TRIM23: variants seen among roughly 807,000 people sequenced by gnomAD.
TRIM23 encodes the protein tripartite motif containing 23, also known as E3 ubiquitin-protein ligase TRIM23.
TRIM23 carries 27 observed loss-of-function variants against 71.0 expected under a neutral mutation model. The observed-to-expected ratio is 0.38, with a 90% CI of 0.28 to 0.52. The LOEUF is 0.52. TRIM23 is among the 20% of genes least tolerant of loss of function. The pLI is 0.84. For missense variants in TRIM23, 482 were observed against 692.3 expected (o/e 0.70, Z 3.41); for synonymous variants, 234 against 238.0 (o/e 0.98, Z 0.16).
rs777487351 is a variant in TRIM23 at position 65,594,629 on chromosome 5, T to C, written c.1437A>G (p.Val479=). The change falls in exon 10 of 11, where the codon GTA becomes GTG. Residue 479 remains valine, a synonymous_variant. Transcript: ENST00000231524. ...TAATTCTGTCTCTATGACTGCTATC[T>C]ACAACAAACACAACAGCTACCCAAA... ...YLNTQAVVFV[V]DSSHRDRISE... 6.3e-7 allele frequency: 1 copy of C among 1,583,186 alleles called. No homozygotes were observed. Among genetic ancestry groups the C allele is most frequent in the South Asian group, 1.2e-5 (1 of 85,078 alleles).
rs1486148761 is a variant in TRIM23, at chr5:65,591,746, TCAAA to T, written c.*19_*22del. The stretch of plus-strand genomic sequence containing the variant: ...CAAAGTTACTTTTAACCACAAAACT[TCAAA>T]CAACTGCTGCCTTTAAAATCAAGCA... On this transcript the variant is annotated 3_prime_UTR_variant, in exon 11 of 11. Transcript: ENST00000231524. The T allele has an allele frequency of 6.3e-7, 1 of 1,586,364 alleles. No homozygotes were observed. The highest frequency in any genetic ancestry group is 8.6e-7 in the Non-Finnish European group (1 of 1,164,234).
At chr5:65,601,283 T>C (rs931501975) in intron 7 of TRIM23, among the ~76,000 whole-genome samples, 10 of 152,158 alleles carry the variant, frequency 6.6e-5, no homozygotes, top group Non-Finnish European at 1.5e-4. Flanking sequence ...AAATGTGGTA[T>C]ACACATTGTA....
intron 6 of TRIM23, among the ~76,000 whole-genome samples, chr5:65,606,029 C>T (rs1044963749): frequency 2.6e-5 from 4 of 152,218 alleles, no homozygotes; most frequent in Non-Finnish European, 5.9e-5. Flanking sequence ...GAATTCCTTC[C>T]TTCCATTTTT....
rs542660468 is a variant in TRIM23 at position 65,600,790 on chromosome 5, C to T, written c.1180-3610G>A. Among the ~76,000 whole-genome samples the T allele has an allele frequency of 2.6e-5, 4 of 152,176 alleles. No individual in the cohort carries two copies. In the South Asian group the frequency reaches 8.3e-4, roughly 32 times the overall value. On this transcript the variant is annotated intron_variant, in intron 7 of 10. Coordinates refer to ENST00000231524, the MANE Select transcript of TRIM23 (RefSeq NM_001656.4). ...ATCCAGAATATACAAAGAACTCCTA[C>T]AATTCAACAACAAAAATAGTCAACC...
Position 65,591,645 on chromosome 5 carries a change from T to TTATATATATATATATATATATA in TRIM23, c.*123_*124insTATATATATATATATATATATA, listed in dbSNP as rs10644434. On this transcript the variant is annotated 3_prime_UTR_variant, in exon 11 of 11. Coordinates refer to ENST00000231524, the MANE Select transcript of TRIM23 (RefSeq NM_001656.4). Reference sequence around the variant, plus strand: ...ACTGAATTCCCAATCCAAGATTCCTTTATATATATATATATATATATGCAT... The same window carrying TTATATATATATATATATATATA: ...ACTGAATTCCCAATCCAAGATTCCTTTATATATATATATATATATATATATATATATATATATATATATGCAT... 1.1e-3 allele frequency: 775 copies of TTATATATATATATATATATATA among 716,964 alleles called. 10 individuals are homozygous for TTATATATATATATATATATATA. In the African/African-American group the frequency reaches 0.013, roughly 12 times the overall value. The allele number at this position is 716,964 out of a possible 1,614,324, so 44.4% of individuals were successfully genotyped here. A position where few individuals can be genotyped will look rare whatever the true frequency, so the allele number is the denominator to read the frequency against.
intron 7 of TRIM23, among the ~76,000 whole-genome samples, chr5:65,602,607 T>TA (rs1372441209): frequency 3.3e-5 from 5 of 152,110 alleles, no homozygotes; most frequent in African/African-American, 4.8e-5. Flanking sequence ...TTTACTGTAT[T>TA]AGTCCATTTT....
At chr5:65,619,856 T>C (rs1754880351) in intron 1 of TRIM23, among the ~76,000 whole-genome samples, 1 of 151,748 alleles carries the variant, frequency 6.6e-6, no homozygotes, top group East Asian at 1.9e-4. Flanking sequence ...CCGAGGCGAG[T>C]GGATCATCTG....
chr5:65,605,572 T>C (rs972275630), intron 6 of TRIM23, among the ~76,000 whole-genome samples: 3 of 152,162 alleles, frequency 2.0e-5, no homozygotes, highest in Non-Finnish European at 4.4e-5. Context: ...TATGCATACA[T>C]TTCTATATCT....
chr5:65,611,741 A>G lies in TRIM23; in HGVS notation c.507T>C (p.Ala169=), dbSNP rs772915674. 6.2e-7 allele frequency: 1 copy of G among 1,614,222 alleles called. No individual in the cohort carries two copies. Among genetic ancestry groups the G allele is most frequent in the Non-Finnish European group, 8.5e-7 (1 of 1,180,038 alleles). The change falls in exon 4 of 11, where the codon GCT becomes GCC. Residue 169 remains alanine, a synonymous_variant. Transcript: ENST00000231524. ...ACATAGTTTTCTCATGAGGTTTATC[A>G]GCTAGAGGAACTCGCCTGTGCTTTG... ...TLAKHRRVPL[A]DKPHEKTMCS...
chr5:65,610,668 A>G (rs1361092416), intron 5 of TRIM23, among the ~76,000 whole-genome samples, 193 bp downstream of exon 5: 7 of 152,192 alleles, frequency 4.6e-5, no homozygotes, highest in Non-Finnish European at 7.3e-5. Flanking sequence ...TCTCCTCCAT[A>G]AAATAGTTAC....
At chr5:65,609,114 C>A (rs1754582386) in intron 6 of TRIM23, 129 bp downstream of exon 6, 6 of 904,782 alleles carry the variant, frequency 6.6e-6, no homozygotes, top group East Asian at 5.3e-5. Context: ...AGGTTGCAGA[C>A]CATTTCCTAA....
intron 1 of TRIM23, among the ~76,000 whole-genome samples, chr5:65,619,517 T>C (rs1230230340): frequency 6.6e-6 from 1 of 152,112 alleles, no homozygotes; most frequent in Non-Finnish European, 1.5e-5. Context: ...AAGGCAGAAA[T>C]CAGACTAAAT....
intron 1 of TRIM23, among the ~76,000 whole-genome samples, chr5:65,621,832 ATTATTT>A (rs1285656058): frequency 4.6e-5 from 7 of 151,190 alleles, no homozygotes; most frequent in Admixed American, 4.0e-4. Flanking sequence ...TATTATTATT[ATTATTT>A]TTTTTTTGAG....
chr5:65,610,744 T>C, intron 5 of TRIM23, 117 bp downstream of exon 5: 1 of 802,078 alleles, frequency 1.2e-6, no homozygotes, highest in Non-Finnish European at 1.9e-6. Context: ...TTTAAAAAAC[T>C]TTCTAATGAT....
rs566092594 is a variant in TRIM23 at position 65,598,760 on chromosome 5, A to G, written c.1180-1580T>C. ...CGAAACTCCGCCTCAAAAAAAAAAA[A>G]AACACATATTAAAGGGATTGTACGC... On this transcript the variant is annotated intron_variant, in intron 7 of 10. Coordinates refer to ENST00000231524, the MANE Select transcript of TRIM23 (RefSeq NM_001656.4). Among the ~76,000 whole-genome samples the G allele has an allele frequency of 3.9e-5, 6 of 152,296 alleles. No individual in the cohort carries two copies. The South Asian group carries it at 1.0e-3, about 26-fold the overall frequency.
rs10644434 is a variant in TRIM23 at position 65,591,645 on chromosome 5, T to TTATATATATATATATA, written c.*108_*123dup. ...ACTGAATTCCCAATCCAAGATTCCT[T>TTATATATATATATATA]TATATATATATATATATATATGCAT... On this transcript the variant is annotated 3_prime_UTR_variant, in exon 11 of 11. Transcript: ENST00000231524. 7.8e-3 allele frequency: 5,585 copies of TTATATATATATATATA among 716,022 alleles called. 127 individuals are homozygous for TTATATATATATATATA. The highest frequency in any genetic ancestry group is 0.038 in the African/African-American group (1,751 of 45,650). 44.4% of individuals were successfully genotyped at this position (716,022 alleles called of 1,614,324 possible).
intron 7 of TRIM23, among the ~76,000 whole-genome samples, chr5:65,597,790 G>C (rs2150623519): frequency 6.6e-6 from 1 of 152,096 alleles, no homozygotes; most frequent in Non-Finnish European, 1.5e-5. Context: ...GGTAATTTCT[G>C]ATTTTATGAT....
chr5:65,610,328 T>C (rs1328678737), intron 5 of TRIM23, among the ~76,000 whole-genome samples: 2 of 152,210 alleles, frequency 1.3e-5, no homozygotes, highest in Non-Finnish European at 2.9e-5. Flanking sequence ...TCACTGTCCT[T>C]AAACTAAGTT....
At position 65,591,098 on chromosome 5, in the gene TRIM23, C is replaced by T; in HGVS notation, c.*671G>A. 9.8e-7 allele frequency: 1 copy of T among 1,019,774 alleles called. No individual in the cohort carries two copies. The allele number at this position is 1,019,774 out of a possible 1,614,324, so 63.2% of individuals were successfully genotyped here. On this transcript the variant is annotated 3_prime_UTR_variant, in exon 11 of 11. Coordinates refer to ENST00000231524, the MANE Select transcript of TRIM23 (RefSeq NM_001656.4). ...ACTGTTCAGTTTATTACTAACCTGA[C>T]AAGCCTAATTGGGTAACATTTCACT...
Sources: gnomAD v4.1 joint callset for allele counts (sites outside exome capture counted in the v4.1 genomes callset) on GRCh38, gnomAD v4.1.1 for gene constraint, MANE v1.5 for transcripts, NCBI Gene and HGNC (gene_info 2026-07-23, HGNC 2026-07-21) for gene names.